AK5: variants seen among roughly 807,000 people sequenced by gnomAD.
The protein encoded by AK5 is adenylate kinase 5, also known as adenylate kinase isoenzyme 5.
Under a neutral mutation model 69.5 loss-of-function variants are expected in AK5, and 27 were observed. That is an observed-to-expected ratio of 0.39 (90% CI 0.29 to 0.54). The LOEUF is 0.54. AK5 is among the 20% of genes least tolerant of loss of function. The pLI, the probability that AK5 is intolerant of heterozygous loss-of-function variation, is 0.71. For synonymous variants in AK5, 260 were observed against 244.4 expected (o/e 1.06, Z -0.60); for missense variants, 531 against 700.4 (o/e 0.76, Z 2.73).
chr1:77,494,785 CTTT>C (rs879881037), intron 10 of AK5, among the ~76,000 whole-genome samples: 2 of 144,068 alleles, frequency 1.4e-5, no homozygotes, highest in Non-Finnish European at 1.5e-5. Context: ...TATGCAGTAT[CTTT>C]TTTTTTTTTT....
intron 8 of AK5, among the ~76,000 whole-genome samples, chr1:77,463,585 G>A (rs1570181539): frequency 8.9e-6 from 1 of 111,838 alleles, no homozygotes. Context: ...AAAAAAAAAA[G>A]GTAAATTTAT....
At chr1:77,527,595 A>G (rs1370488574) in intron 12 of AK5, among the ~76,000 whole-genome samples, 1 of 152,210 alleles carries the variant, frequency 6.6e-6, no homozygotes, top group Admixed American at 6.5e-5. Context: ...GTTAAGTGAG[A>G]TTTTAGACAT....
chr1:77,438,401 G>T (rs1652104873), intron 8 of AK5, among the ~76,000 whole-genome samples: 1 of 151,684 alleles, frequency 6.6e-6, no homozygotes, highest in African/African-American at 2.4e-5. Context: ...CATGTAGCTG[G>T]CTGGAGTCCC....
At chr1:77,408,209 A>C (rs1649786856) in intron 6 of AK5, among the ~76,000 whole-genome samples, 1 of 152,230 alleles carries the variant, frequency 6.6e-6, no homozygotes, top group Non-Finnish European at 1.5e-5. Flanking sequence ...AGAAATCTCC[A>C]AACTGCATTC....
At chr1:77,528,651 C>T (rs1215003608) in intron 12 of AK5, among the ~76,000 whole-genome samples, 2 of 152,154 alleles carry the variant, frequency 1.3e-5, no homozygotes, top group Admixed American at 6.5e-5. Context: ...CTTCAGTTTA[C>T]AGAATGATTA....
chr1:77,524,349 A>C (rs1201196448), intron 12 of AK5, among the ~76,000 whole-genome samples: 2 of 152,132 alleles, frequency 1.3e-5, no homozygotes, highest in Non-Finnish European at 2.9e-5. Flanking sequence ...TTTTTTGAGG[A>C]GCCACCATAC....
At chr1:77,412,803 A>G (rs774011983) in intron 7 of AK5, among the ~76,000 whole-genome samples, 15 of 151,882 alleles carry the variant, frequency 9.9e-5, no homozygotes, top group Admixed American at 2.0e-4. Context: ...ATGGCATCCA[A>G]TTCTCTTTCT....
intron 10 of AK5, among the ~76,000 whole-genome samples, chr1:77,487,289 G>T (rs1446664584): frequency 6.6e-6 from 1 of 152,124 alleles, no homozygotes; most frequent in Non-Finnish European, 1.5e-5. Flanking sequence ...ATTTGTCCAA[G>T]ATTATGAAGC....
At chr1:77,554,145 C>G (rs1392741559) in intron 13 of AK5, among the ~76,000 whole-genome samples, 1 of 152,148 alleles carries the variant, frequency 6.6e-6, no homozygotes, top group East Asian at 1.9e-4. Context: ...TTCCAGCTTC[C>G]TCTTTTTATC....
chr1:77,290,235 A>G (rs753141471), intron 2 of AK5, among the ~76,000 whole-genome samples: 8 of 152,226 alleles, frequency 5.3e-5, no homozygotes, highest in African/African-American at 1.7e-4. Flanking sequence ...GTCCTGTAAT[A>G]ATACAATTCT....
At chr1:77,448,424 G>A (rs969109587) in intron 8 of AK5, among the ~76,000 whole-genome samples, 1 of 152,102 alleles carries the variant, frequency 6.6e-6, no homozygotes. Flanking sequence ...GGGCTGCAGA[G>A]ACATTGGGAT....
intron 6 of AK5, among the ~76,000 whole-genome samples, chr1:77,399,137 T>C (rs1649026231): frequency 6.6e-6 from 1 of 152,294 alleles, no homozygotes; most frequent in South Asian, 2.1e-4. Context: ...ATTTTAGAAG[T>C]GTTCTGTCAT....
At chr1:77,359,311 T>A (rs569704375) in intron 6 of AK5, among the ~76,000 whole-genome samples, 1 of 152,054 alleles carries the variant, frequency 6.6e-6, no homozygotes, top group South Asian at 2.1e-4. Context: ...ATTTATGTTA[T>A]AGAAAAAATT....
chr1:77,391,527 A>ATATATATATATATATATC (rs1648486908), intron 6 of AK5, among the ~76,000 whole-genome samples: 1 of 122,960 alleles, frequency 8.1e-6, no homozygotes, highest in African/African-American at 3.1e-5. Context: ...ATATATATAT[A>ATATATATATATATATATC]TCTCCTCAGG....
chr1:77,382,297 T>C (rs1475420446), intron 6 of AK5, among the ~76,000 whole-genome samples: 3 of 150,942 alleles, frequency 2.0e-5, no homozygotes, highest in African/African-American at 7.3e-5. Context: ...GAGCAAATGA[T>C]AGTACCAGAT....
chr1:77,417,605 C>G, intron 7 of AK5, 34 bp from the exon 8 acceptor site: 1 of 1,357,280 alleles, frequency 7.4e-7, no homozygotes, highest in Non-Finnish European at 1.1e-6. Context: ...CATAGACAAC[C>G]TCCATCCACT....
intron 10 of AK5, among the ~76,000 whole-genome samples, chr1:77,518,354 ATG>A (rs1306918830): frequency 2.0e-5 from 3 of 152,162 alleles, no homozygotes; most frequent in African/African-American, 7.2e-5. Flanking sequence ...CTCCCGCTTC[ATG>A]GATAATCTAA....
chr1:77,331,802 A>C (rs1661099182), intron 5 of AK5, among the ~76,000 whole-genome samples: 1 of 152,188 alleles, frequency 6.6e-6, no homozygotes, highest in African/African-American at 2.4e-5. Context: ...ACATTTCACC[A>C]GTGAAGCCAC....
Position 77,340,502 on chromosome 1 carries a change from A to G in AK5, c.825A>G (p.Leu275=), listed in dbSNP as rs539508630. The change falls in exon 6 of 14, where the codon CTA becomes CTG. Residue 275 remains leucine (L), a synonymous_variant. Transcript: ENST00000354567. ...DDNVKATQRR[L]MNFKQNAAPL... ...ATGTAAAAGCTACCCAAAGGAGACT[A>G]ATGAACTTCAAGCAGAATGCTGCTC... 6 of 1,614,142 alleles carry G rather than the reference A, an allele frequency of 3.7e-6. No homozygotes were observed. The Admixed American group carries it at 8.3e-5, about 22-fold the overall frequency.
Sources: allele counts gnomAD v4.1 joint callset (sites outside exome capture counted in the v4.1 genomes callset), GRCh38; gene constraint gnomAD v4.1.1; transcripts MANE v1.5; gene names NCBI Gene and HGNC (gene_info 2026-07-23, HGNC 2026-07-21).